The following MYO18A variants were observed in gnomAD, a reference collection of about 807,000 sequenced individuals.
MYO18A encodes the protein unconventional myosin-XVIIIa.
A neutral mutation model predicts 235.8 loss-of-function variants in MYO18A; 78 were observed. The observed-to-expected ratio is 0.33, with a 90% CI of 0.28 to 0.40. MYO18A has a LOEUF of 0.40. Among genes scored for constraint, MYO18A ranks in the 10% least tolerant of loss-of-function variants. MYO18A has a pLI of 1.00. For synonymous variants in MYO18A, 977 were observed against 1,077.8 expected (o/e 0.91, Z 1.83); for missense variants, 2,215 against 2,699.3 (o/e 0.82, Z 3.98).
rs778502205 is a variant in MYO18A, at chr17:29,120,902, G to C, written c.1585+96C>G. The C allele has an allele frequency of 4.5e-6, 7 of 1,559,410 alleles. No individual in the cohort carries two copies. The highest frequency in any genetic ancestry group is 6.1e-6 in the Non-Finnish European group (7 of 1,146,560). On this transcript the variant is annotated intron_variant, in intron 6 of 41. Transcript: ENST00000527372. This position sits in a 1 kb window ranked among gnomAD's most constrained non-coding sequence, Gnocchi z 4.2. Reference sequence around the variant, plus strand: ...AGAGGGGTTTCGGGGGGATGGAAAGGCCAGGGAGAAAAAGAGCTGGCACTT... The same window carrying C: ...AGAGGGGTTTCGGGGGGATGGAAAGCCCAGGGAGAAAAAGAGCTGGCACTT...
chr17:29,094,809 C>G lies in MYO18A; in HGVS notation c.4551G>C (p.Val1517=). 1 of 1,614,058 alleles carries G rather than the reference C, an allele frequency of 6.2e-7. No homozygotes were observed. The highest frequency in any genetic ancestry group is 8.5e-7 in the Non-Finnish European group (1 of 1,179,910). Residue 1517 remains valine (V), a synonymous_variant, in exon 30 of 42, where the codon GTG becomes GTC. Transcript: ENST00000527372. ...MDIAGFTQKV[V]SLEAELQDIS... is the part of the protein sequence containing the mutation. ...TGTCCTGGAGCTCTGCCTCTAGAGACACAACCTTCTGGGTGAACCCTGCAA... is the reference window on the plus strand; with the variant it reads ...TGTCCTGGAGCTCTGCCTCTAGAGAGACAACCTTCTGGGTGAACCCTGCAA...
chr17:29,166,687 C>T lies in MYO18A; in HGVS notation c.254G>A (p.Ser85Asn), dbSNP rs2068292286. The change falls in exon 2 of 42, where the codon AGT becomes AAT. Residue 85 changes from serine to asparagine, a missense_variant. Ser to Asn is a conservative substitution (Grantham distance 46, BLOSUM62 1). Coordinates refer to ENST00000527372, the MANE Select transcript of MYO18A (RefSeq NM_078471.4). ...DLHLTDIDSDSNRGSVILDSG... is the reference protein window; with the variant it reads ...DLHLTDIDSDNNRGSVILDSG... ...GTCCAGGATGACGCTGCCCCGGTTACTATCGGAGTCAATGTCAGTCAGGTG... is the reference window on the plus strand; with the variant it reads ...GTCCAGGATGACGCTGCCCCGGTTATTATCGGAGTCAATGTCAGTCAGGTG... The T allele has an allele frequency of 6.2e-7, 1 of 1,613,806 alleles. No individual in the cohort carries two copies. The highest frequency in any genetic ancestry group is 8.5e-7 in the Non-Finnish European group (1 of 1,179,862).
In MYO18A at chr17:29,092,949, C is replaced by G; in HGVS notation, c.4979G>C (p.Arg1660Pro). 6.2e-7 allele frequency: 1 copy of G among 1,613,786 alleles called. No individual in the cohort carries two copies. The highest frequency in any genetic ancestry group is 8.5e-7 in the Non-Finnish European group (1 of 1,179,812). Reference sequence around the variant, plus strand: ...GGCATCTGCCAGCAGGGCCTTGGTGCGCTTCAGGTCCTTCCGCAGCCGCTT... The same window carrying G: ...GGCATCTGCCAGCAGGGCCTTGGTGGGCTTCAGGTCCTTCCGCAGCCGCTT... ...SEKRLRKDLKRTKALLADAQL... is the reference protein window; with the variant it reads ...SEKRLRKDLKPTKALLADAQL... Residue 1660 changes from arginine to proline, a missense_variant, in exon 33 of 42, where the codon CGC becomes CCC. Coordinates refer to ENST00000527372, the MANE Select transcript of MYO18A (RefSeq NM_078471.4).
At position 29,074,203 on chromosome 17, in the gene MYO18A, C is replaced by A; in HGVS notation, c.*567G>T. On this transcript the variant is annotated 3_prime_UTR_variant, in exon 42 of 42. Coordinates refer to ENST00000527372, the MANE Select transcript of MYO18A (RefSeq NM_078471.4). The surrounding 1 kb of genome is among the most constrained non-coding windows in gnomAD (Gnocchi z 4.4). The stretch of plus-strand genomic sequence containing the variant: ...AGGGTGAAGATGGAGATGACATTCC[C>A]GAGTCGTTCTTGGGAGCCCCAGCTA... The A allele has an allele frequency of 1.3e-6, 2 of 1,587,854 alleles. No homozygotes were observed. The highest frequency in any genetic ancestry group is 1.1e-5 in the South Asian group (1 of 87,130).
chr17:29,120,500 C>T lies in MYO18A; in HGVS notation c.1728+116G>A. The T allele has an allele frequency of 1.5e-6, 2 of 1,373,402 alleles. No individual in the cohort carries two copies. The highest frequency in any genetic ancestry group is 2.0e-6 in the Non-Finnish European group (2 of 1,017,474). The allele number at this position is 1,373,402 out of a possible 1,614,324, so 85.1% of individuals were successfully genotyped here. On this transcript the variant is annotated intron_variant, in intron 7 of 41. Coordinates refer to ENST00000527372, the MANE Select transcript of MYO18A (RefSeq NM_078471.4). This position sits in a 1 kb window ranked among gnomAD's most constrained non-coding sequence, Gnocchi z 4.2. ...AGGCCAACCCTGCCCATGCCTGGGT[C>T]AATTTTGTTAGGGTAGAATCCCAGG...
In MYO18A at chr17:29,090,042, G is replaced by A; in HGVS notation, c.5445C>T (p.Ser1815=). ...EFLEQSMVDK[S]LVSRQEAKIR... is the part of the protein sequence containing the mutation. The stretch of plus-strand genomic sequence containing the variant: ...TCTTAGCTTCCTGCCTGCTCACCAG[G>A]GACTTGTCCACCATGGACTGCTCCA... Residue 1815 remains serine, a synonymous_variant, in exon 37 of 42, where the codon TCC becomes TCT. Coordinates refer to ENST00000527372, the MANE Select transcript of MYO18A (RefSeq NM_078471.4). The A allele has an allele frequency of 6.2e-7, 1 of 1,613,834 alleles. No homozygotes were observed. The highest frequency in any genetic ancestry group is 2.2e-5 in the East Asian group (1 of 44,900).
intron 40 of MYO18A, among the ~76,000 whole-genome samples, chr17:29,084,061 C>T (rs1336578408): frequency 1.3e-5 from 2 of 152,146 alleles, no homozygotes; most frequent in Non-Finnish European, 2.9e-5. Flanking sequence ...CTGCGCTGGG[C>T]TCAATAACTT....
At chr17:29,098,035 G>A in intron 25 of MYO18A, 70 bp downstream of exon 25, 2 of 1,592,068 alleles carry the variant, frequency 1.3e-6, no homozygotes, top group Non-Finnish European at 1.7e-6. Flanking sequence ...AACTGTCTTT[G>A]GGGGGAGCCA....
At chr17:29,092,231 C>A in intron 34 of MYO18A, 112 bp downstream of exon 34, 1 of 740,828 alleles carries the variant, frequency 1.3e-6, no homozygotes. Flanking sequence ...CGTGAAAGGA[C>A]CTGTCACAAG....
Position 29,111,784 on chromosome 17 carries a change from C to G in MYO18A, c.2678G>C (p.Ser893Thr). The G allele has an allele frequency of 6.2e-7, 1 of 1,613,856 alleles. No individual in the cohort carries two copies. Among genetic ancestry groups the G allele is most frequent in the Non-Finnish European group, 8.5e-7 (1 of 1,179,790 alleles). ...LEEEALVPGA[S>T]EDTLLERLFS... is the part of the protein sequence containing the mutation. Reference sequence around the variant, plus strand: ...AAGGCGCTCCAGGAGGGTGTCCTCACTGGCCCCTGGCACCAGAGCCTCCTC... The same window carrying G: ...AAGGCGCTCCAGGAGGGTGTCCTCAGTGGCCCCTGGCACCAGAGCCTCCTC... The change falls in exon 16 of 42, where the codon AGT (serine) becomes ACT (threonine). Residue 893 changes from serine to threonine, a missense_variant. Coordinates refer to ENST00000527372, the MANE Select transcript of MYO18A (RefSeq NM_078471.4). The surrounding 1 kb of genome is among the most constrained non-coding windows in gnomAD (Gnocchi z 5.1).
intron 2 of MYO18A, among the ~76,000 whole-genome samples, chr17:29,154,121 T>TGTGTGTGTGTGTGCGCGCGCGCGC: frequency 6.7e-6 from 1 of 149,104 alleles, no homozygotes; most frequent in East Asian, 2.0e-4. Flanking sequence ...TGTGTGTGTG[T>TGTGTGTGTGTGTGCGCGCGCGCGC]GCGCGCGCGT....
At chr17:29,169,131 C>A (rs1172750516) in intron 1 of MYO18A, among the ~76,000 whole-genome samples, 1 of 151,978 alleles carries the variant, frequency 6.6e-6, no homozygotes, top group Non-Finnish European at 1.5e-5. Context: ...CTCACTGCAA[C>A]CTCTGCCTCC....
At chr17:29,124,265 C>T (rs922053087) in intron 2 of MYO18A, among the ~76,000 whole-genome samples, 21 of 152,204 alleles carry the variant, frequency 1.4e-4, no homozygotes, top group Non-Finnish European at 2.5e-4. Flanking sequence ...GAATGTCTCA[C>T]GTTCAGGCAT....
chr17:29,082,029 A>G (rs2066135320), intron 41 of MYO18A, among the ~76,000 whole-genome samples: 1 of 152,196 alleles, frequency 6.6e-6, no homozygotes, highest in Non-Finnish European at 1.5e-5. Flanking sequence ...ACTATCAGGA[A>G]GCTTGATCAA....
intron 20 of MYO18A, among the ~76,000 whole-genome samples, chr17:29,104,041 C>T (rs889288690): frequency 6.6e-6 from 1 of 152,162 alleles, no homozygotes; most frequent in Non-Finnish European, 1.5e-5. Flanking sequence ...CCTGGGAGCA[C>T]AAGACAGCAA....
chr17:29,174,125 A>G (rs1035863359), intron 1 of MYO18A, among the ~76,000 whole-genome samples: 1 of 152,242 alleles, frequency 6.6e-6, no homozygotes, highest in Non-Finnish European at 1.5e-5. Context: ...TAAGACATCT[A>G]TAGGTACATT....
At chr17:29,105,293 T>TGAGG (rs1264682898) in intron 20 of MYO18A, among the ~76,000 whole-genome samples, 2 of 147,376 alleles carry the variant, frequency 1.4e-5, no homozygotes, top group African/African-American at 5.1e-5. Context: ...CCATGGGCAG[T>TGAGG]GAGGGCAGCA....
At chr17:29,178,138 GCCT>G (rs1462660996) in intron 1 of MYO18A, among the ~76,000 whole-genome samples, 6 of 152,156 alleles carry the variant, frequency 3.9e-5, no homozygotes, top group Non-Finnish European at 7.3e-5. Flanking sequence ...CAGTGAGGGG[GCCT>G]CCAGGGAACT....
chr17:29,136,246 A>AT (rs1294513472), intron 2 of MYO18A, among the ~76,000 whole-genome samples: 53 of 69,722 alleles, frequency 7.6e-4, no homozygotes, highest in Non-Finnish European at 1.3e-3. Flanking sequence ...AAAAAAAAAA[A>AT]AAAAATATAT....
Sources: gnomAD v4.1 joint callset for allele counts (sites outside exome capture counted in the v4.1 genomes callset) on GRCh38, gnomAD v4.1.1 for gene constraint, Gnocchi (gnomAD v3.1) non-coding constraint, MANE v1.5 for transcripts, NCBI Gene and HGNC (gene_info 2026-07-23, HGNC 2026-07-21) for gene names.